Variants in KANTR observed in about 807,000 individuals in gnomAD.
KANTR encodes the protein KANTR integral membrane protein.
downstream of KANTR, among the ~76,000 whole-genome samples, chrX:53,128,114 C>T (rs1362271581): frequency 1.8e-5 from 2 of 111,649 alleles, no homozygotes; most frequent in East Asian, 2.8e-4. Context: ...CCCATGACTC[C>T]GGATACTAAT....
At chrX:53,101,614 C>T (rs782754559) in intron 2 of KANTR, among the ~76,000 whole-genome samples, 27 of 111,465 alleles carry the variant, frequency 2.4e-4, no homozygotes, top group Non-Finnish European at 4.1e-4. Context: ...GTCGAGCAGT[C>T]AGAACATACA....
chrX:53,126,284 T>C (rs1933291802), exon 3 of KANTR: 2 of 111,539 alleles, frequency 1.8e-5, no homozygotes, highest in African/African-American at 6.5e-5. Context: ...TCTTCAAATA[T>C]TGCCTTTCAT....
At chrX:53,125,287 C>T (rs1933279587) in exon 3 of KANTR, 1 of 110,802 alleles carries the variant, frequency 9.0e-6, no homozygotes, top group Non-Finnish European at 1.9e-5. Flanking sequence ...ATTTTCATGC[C>T]ATTATGTTTA....
At chrX:53,129,065 CTTTTTTTTTT>C, downstream of KANTR, among the ~76,000 whole-genome samples, 1 of 55,465 alleles carries the variant, frequency 1.8e-5, no homozygotes, top group African/African-American at 5.7e-5. Flanking sequence ...TCTTCTTCTT[CTTTTTTTTTT>C]TTTTTTTTTT....
At chrX:53,125,732 A>G (rs1289043343) in exon 3 of KANTR, 1 of 111,329 alleles carries the variant, frequency 9.0e-6, no homozygotes, top group Non-Finnish European at 1.9e-5. Flanking sequence ...GTTCCTTTTT[A>G]TAAACCTCAC....
intron 3 of KANTR, among the ~76,000 whole-genome samples, chrX:53,147,755 A>C (rs1362264325): frequency 3.6e-5 from 4 of 111,642 alleles, no homozygotes; most frequent in Non-Finnish European, 5.6e-5. Context: ...AACAGAAATT[A>C]TAACAAACTG....
At chrX:53,120,856 G>A (rs984226993) in intron 2 of KANTR, among the ~76,000 whole-genome samples, 20 of 110,382 alleles carry the variant, frequency 1.8e-4, no homozygotes, top group Non-Finnish European at 3.6e-4. Flanking sequence ...CAGTAGCTGG[G>A]ATTACAAGCG....
intron 2 of KANTR, among the ~76,000 whole-genome samples, chrX:53,122,507 G>T (rs1933240266): frequency 9.0e-6 from 1 of 111,193 alleles, no homozygotes; most frequent in Non-Finnish European, 1.9e-5. Context: ...GTGTCTTGTT[G>T]TGTATTTTAG....
At chrX:53,117,807 T>A (rs1318012645) in intron 2 of KANTR, among the ~76,000 whole-genome samples, 2 of 108,523 alleles carry the variant, frequency 1.8e-5, no homozygotes, top group African/African-American at 6.7e-5. Flanking sequence ...TTTAGTAGAG[T>A]TGGGGTTTCA....
rs1431965390 is a variant in KANTR at position 53,099,462 on chromosome X, ATC to A, written c.-941-6_-941-5del. 3 of 112,060 alleles carry A rather than the reference ATC, an allele frequency of 2.7e-5. No individual in the cohort carries two copies. Among genetic ancestry groups the A allele is most frequent in the African/African-American group, 9.7e-5 (3 of 30,875 alleles). 9.2% of individuals were successfully genotyped at this position (112,060 alleles called of 1,213,427 possible). A position where few individuals can be genotyped will look rare whatever the true frequency, so the allele number is the denominator to read the frequency against. On this transcript the variant is annotated splice_polypyrimidine_tract_variant and splice_region_variant and intron_variant, in intron 1 of 2. Coordinates refer to ENST00000604062, the Ensembl canonical transcript of KANTR. ...TTCTGATTCTCTCGTTATTTCTGCCATCTCTGCAGTTGCTTCCTCTACTGAAG... is the reference window on the plus strand; with the variant it reads ...TTCTGATTCTCTCGTTATTTCTGCCATCTGCAGTTGCTTCCTCTACTGAAG...
chrX:53,118,658 G>A (rs1415373403), intron 2 of KANTR, among the ~76,000 whole-genome samples: 1 of 110,343 alleles, frequency 9.1e-6, no homozygotes, highest in African/African-American at 3.3e-5. Context: ...CTACTTGGGA[G>A]GCTGAGGTGG....
At chrX:53,105,854 CTT>C (rs1181859013) in intron 2 of KANTR, among the ~76,000 whole-genome samples, 3 of 72,070 alleles carry the variant, frequency 4.2e-5, no homozygotes, top group Non-Finnish European at 2.6e-5. Context: ...ATGTTTTTTT[CTT>C]TTTTTTTTTT....
chrX:53,103,261 C>T (rs1556812173), intron 2 of KANTR, among the ~76,000 whole-genome samples: 1 of 111,104 alleles, frequency 9.0e-6, no homozygotes, highest in Non-Finnish European at 1.9e-5. Flanking sequence ...CAGGTGTGAC[C>T]CACTGTGCCA....
In KANTR at chrX:53,107,935, G is replaced by A. The variant is rs1231485252; in HGVS notation, c.-805+8327G>A. 2.7e-5 allele frequency among the ~76,000 whole-genome samples: 3 copies of A among 109,431 alleles called. No homozygotes were observed. In the East Asian group the frequency reaches 8.6e-4, roughly 31 times the overall value. Reference sequence around the variant, plus strand: ...GACGGAGTCTCACTCTGTCACCCAGGCTGGAGTGCAGTGGGGCGCTCTTGG... The same window carrying A: ...GACGGAGTCTCACTCTGTCACCCAGACTGGAGTGCAGTGGGGCGCTCTTGG... On this transcript the variant is annotated intron_variant, in intron 2 of 2. Transcript: ENST00000604062.
At chrX:53,105,840 T>A (rs1932944411) in intron 2 of KANTR, among the ~76,000 whole-genome samples, 1 of 100,538 alleles carries the variant, frequency 9.9e-6, no homozygotes. Flanking sequence ...CTTTGTCAGA[T>A]AATATGTTTT....
chrX:53,142,472 T>TC (rs1933517093), exon 3 of KANTR: 1 of 220,123 alleles, frequency 4.5e-6, no homozygotes, highest in East Asian at 1.3e-4. Flanking sequence ...AATGCCACCA[T>TC]GCCTGGCTAA....
downstream of KANTR, chrX:53,142,985 G>T: frequency 9.6e-7 from 1 of 1,044,738 alleles, no homozygotes; most frequent in African/African-American, 1.8e-5. Context: ...CTGGATGCCA[G>T]CGTGGTGATG....
downstream of KANTR, among the ~76,000 whole-genome samples, chrX:53,129,213 G>A (rs1216885218): frequency 9.6e-6 from 1 of 103,684 alleles, no homozygotes; most frequent in Non-Finnish European, 2.0e-5. Flanking sequence ...GACTACAGGC[G>A]CCTGTCACCA....
chrX:53,111,848 T>C (rs1261990692), intron 2 of KANTR, among the ~76,000 whole-genome samples: 1 of 112,015 alleles, frequency 8.9e-6, no homozygotes, highest in African/African-American at 3.2e-5. Context: ...AACAACAAAA[T>C]AAGGCGGGTT....
Sources: allele counts gnomAD v4.1 joint callset (sites outside exome capture counted in the v4.1 genomes callset), GRCh38; gene constraint gnomAD v4.1.1; transcripts MANE v1.5; gene names NCBI Gene and HGNC (gene_info 2026-07-23, HGNC 2026-07-21).